Variants in CPNE7 observed in about 807,000 individuals in gnomAD.
CPNE7 encodes the protein copine 7.
A neutral mutation model predicts 66.5 loss-of-function variants in CPNE7; 78 were observed. The ratio of observed to expected loss-of-function variants is 1.17; its 90% CI spans 0.98 to 1.42. The LOEUF is 1.42. Ranked by LOEUF, CPNE7 falls within the 40% of genes most tolerant of loss-of-function variation. The pLI, the probability that CPNE7 is intolerant of heterozygous loss-of-function variation, is 0.00. For synonymous variants in CPNE7, 468 were observed against 336.7 expected (o/e 1.39, Z -4.27); for missense variants, 1,012 against 776.6 (o/e 1.30, Z -3.60).
In CPNE7 at chr16:89,586,703, C is replaced by G; in HGVS notation, c.814C>G (p.Gln272Glu). ...QWDCVNPKYKQKRRSYKNSGV... is the reference protein window; with the variant it reads ...QWDCVNPKYKEKRRSYKNSGV... ...GGACTGTGTGAACCCCAAATACAAGCAGAAGAGACGCAGTTATAAGAACTC... is the reference window on the plus strand; with the variant it reads ...GGACTGTGTGAACCCCAAATACAAGGAGAAGAGACGCAGTTATAAGAACTC... Residue 272 changes from glutamine to glutamate, a missense_variant, in exon 8 of 15, where the codon CAG becomes GAG. Transcript: ENST00000319518. 1.9e-6 allele frequency: 3 copies of G among 1,612,724 alleles called. No individual in the cohort carries two copies. Among genetic ancestry groups the G allele is most frequent in the Non-Finnish European group, 2.5e-6 (3 of 1,179,636 alleles).
At position 89,587,234 on chromosome 16, in the gene CPNE7, C is replaced by T. The variant is rs533074241; in HGVS notation, c.927+132C>T. On this transcript the variant is annotated intron_variant, in intron 9 of 14. Coordinates refer to ENST00000319518, the MANE Select transcript of CPNE7 (RefSeq NM_153636.3). The stretch of plus-strand genomic sequence containing the variant: ...CCCGCCCATCCCCGCCCCCTCAGTC[C>T]GTGGCCCCGCCCCTCCCGCCCCCTC... 4.8e-3 allele frequency: 1,242 copies of T among 256,312 alleles called. 42 individuals are homozygous for T. The highest frequency in any genetic ancestry group is 0.011 in the Middle Eastern group (10 of 908). 15.9% of individuals were successfully genotyped at this position (256,312 alleles called of 1,614,324 possible).
rs1162646133 is a variant in CPNE7, at chr16:89,580,354, C to T, written c.357+2633C>T. 8.2e-5 allele frequency among the ~76,000 whole-genome samples: 12 copies of T among 146,410 alleles called. 1 individual carries two copies. The highest frequency in any genetic ancestry group is 3.8e-3 in the Middle Eastern group (1 of 264). On this transcript the variant is annotated intron_variant, in intron 2 of 14. Transcript: ENST00000319518. ...CCGTCACACGGAACATCCCATCACC[C>T]GTCACACGGAACATCCCATCACCCG...
At chr16:89,589,235 T>A (rs2059133612) in intron 10 of CPNE7, among the ~76,000 whole-genome samples, 1 of 152,018 alleles carries the variant, frequency 6.6e-6, no homozygotes, top group African/African-American at 2.4e-5. Flanking sequence ...GAGGTTACAG[T>A]GAGTCAAGAT....
At chr16:89,588,646 C>T (rs199624856) in intron 9 of CPNE7, 29 bp from the exon 10 acceptor site, 23 of 1,612,154 alleles carry the variant, frequency 1.4e-5, no homozygotes, top group Admixed American at 5.0e-5. Flanking sequence ...CCCGGCCCAG[C>T]ACAGCTCCTG....
chr16:89,587,569 G>C (rs1292236770), intron 9 of CPNE7: 1 of 435,394 alleles, frequency 2.3e-6, no homozygotes, highest in Non-Finnish European at 4.7e-6. Flanking sequence ...AAACGTGAAC[G>C]AGGAGAAACT....
intron 1 of CPNE7, 62 bp from the exon 2 acceptor site, chr16:89,577,477 G>A: frequency 1.3e-6 from 2 of 1,506,582 alleles, no homozygotes; most frequent in Middle Eastern, 2.1e-4. Flanking sequence ...GAGGGGAGAT[G>A]GAGGTCTGGA....
At position 89,595,389 on chromosome 16, in the gene CPNE7, T is replaced by C; in HGVS notation, c.1325T>C (p.Leu442Pro). ...CAGCAATACTACATCCTGCTGATCC[T>C]GACGGACGGCGTGGTGACCGACATG... ...KASQYYILLI[L>P]TDGVVTDMAD... The change falls in exon 14 of 15, where the codon CTG becomes CCG. Residue 442 changes from leucine to proline, a missense_variant. Coordinates refer to ENST00000319518, the MANE Select transcript of CPNE7 (RefSeq NM_153636.3). The C allele has an allele frequency of 6.3e-7, 1 of 1,586,992 alleles. No homozygotes were observed. Among genetic ancestry groups the C allele is most frequent in the South Asian group, 1.1e-5 (1 of 87,566 alleles).
chr16:89,589,231 A>G lies in CPNE7; in HGVS notation c.1061+423A>G, dbSNP rs181597403. On this transcript the variant is annotated intron_variant, in intron 10 of 14. Transcript: ENST00000319518. ...CACTGGAACCCGGGAGGCGGAGGTT[A>G]CAGTGAGTCAAGATCACACCTTTGT... 3.9e-5 allele frequency among the ~76,000 whole-genome samples: 6 copies of G among 152,286 alleles called. No individual in the cohort carries two copies. In the East Asian group the frequency reaches 9.7e-4, roughly 25 times the overall value.
intron 13 of CPNE7, among the ~76,000 whole-genome samples, 200 bp from the exon 14 acceptor site, chr16:89,595,167 G>T (rs2059233953): frequency 6.6e-6 from 1 of 152,114 alleles, no homozygotes; most frequent in Non-Finnish European, 1.5e-5. Flanking sequence ...GGCACAGGAG[G>T]CCCAGAGTGC....
chr16:89,590,957 T>G, intron 11 of CPNE7, 50 bp from the exon 12 acceptor site: 3 of 1,594,654 alleles, frequency 1.9e-6, no homozygotes, highest in Non-Finnish European at 1.7e-6. Context: ...ATGGGGCCAG[T>G]GGGGTGTGTT....
chr16:89,583,847 G>C (rs993132802), intron 3 of CPNE7, 76 bp downstream of exon 3: 1 of 1,552,694 alleles, frequency 6.4e-7, no homozygotes, highest in Non-Finnish European at 8.8e-7. Context: ...GCGGAAGATG[G>C]GCAGCAGCGT....
rs751358984 is a variant in CPNE7 at position 89,591,003 on chromosome 16, C to T, written c.1117-4C>T. ...GCTGACTGAGCCCTCTTGTTCCCAC[C>T]CAGGTGTCCCATGACTTTGCCATCA... On this transcript the variant is annotated splice_polypyrimidine_tract_variant and splice_region_variant and intron_variant, in intron 11 of 14. Coordinates refer to ENST00000319518, the MANE Select transcript of CPNE7 (RefSeq NM_153636.3). The T allele has an allele frequency of 1.2e-6, 2 of 1,613,654 alleles. No individual in the cohort carries two copies. Among genetic ancestry groups the T allele is most frequent in the Non-Finnish European group, 1.7e-6 (2 of 1,179,856 alleles).
chr16:89,589,791 TG>T, intron 10 of CPNE7, 105 bp from the exon 11 acceptor site: 3 of 1,253,458 alleles, frequency 2.4e-6, no homozygotes, highest in Non-Finnish European at 2.3e-6. Context: ...GTACCAGGCC[TG>T]GGCACCCCCA....
At chr16:89,587,216 A>C (rs12926016) in intron 9 of CPNE7, 114 bp downstream of exon 9, 37,627 of 110,512 alleles carry the variant, frequency 0.34, 5,437 homozygotes, top group Middle Eastern at 0.43. Context: ...GGCCCCGCCC[A>C]TCCCCGCCCC....
chr16:89,588,638 C>T lies in CPNE7; in HGVS notation c.928-37C>T, dbSNP rs377526916. ...TGTCAGGAGCGGGTTCGGGGAGCCC[C>T]GGCCCAGCACAGCTCCTGGCTCCCG... On this transcript the variant is annotated intron_variant, in intron 9 of 14. Transcript: ENST00000319518. The T allele has an allele frequency of 7.5e-4, 1,213 of 1,611,004 alleles. 2 individuals carry two copies. The highest frequency in any genetic ancestry group is 9.3e-4 in the Admixed American group (56 of 59,944).
rs1020644274 is a variant in CPNE7 at position 89,588,543 on chromosome 16, C to T, written c.928-132C>T. On this transcript the variant is annotated intron_variant, in intron 9 of 14. Coordinates refer to ENST00000319518, the MANE Select transcript of CPNE7 (RefSeq NM_153636.3). ...CAGGTGGGTCAGCCCCAACAGCAGC[C>T]CCCCAGCCCTACCCACCTACGCGAC... 3.4e-5 allele frequency: 38 copies of T among 1,106,534 alleles called. No homozygotes were observed. The African/African-American group carries it at 5.1e-4, about 15-fold the overall frequency. 68.5% of individuals were successfully genotyped at this position (1,106,534 alleles called of 1,614,324 possible).
chr16:89,596,664 G>T lies in CPNE7; in HGVS notation c.*43G>T, dbSNP rs659974. 14 of 1,531,016 alleles carry T rather than the reference G, an allele frequency of 9.1e-6. No homozygotes were observed. The African/African-American group carries it at 1.8e-4, about 20-fold the overall frequency. 94.8% of individuals were successfully genotyped at this position (1,531,016 alleles called of 1,614,324 possible). A position where few individuals can be genotyped will look rare whatever the true frequency, so the allele number is the denominator to read the frequency against. ...GGTGGGGGCAGTGAGGAATGGGTCC[G>T]TACAGCCTCTGTCTGCAACATGCTT... is the stretch of plus-strand genomic sequence containing the variant. On this transcript the variant is annotated 3_prime_UTR_variant, in exon 15 of 15. Transcript: ENST00000319518.
At chr16:89,577,807 G>A in intron 2 of CPNE7, 86 bp downstream of exon 2, 1 of 1,427,340 alleles carries the variant, frequency 7.0e-7, no homozygotes, top group Non-Finnish European at 9.4e-7. Flanking sequence ...GCACCGCAGG[G>A]ACCCTGCTGG....
At chr16:89,590,130 C>T (rs913120748) in intron 11 of CPNE7, among the ~76,000 whole-genome samples, 179 bp downstream of exon 11, 1 of 152,174 alleles carries the variant, frequency 6.6e-6, no homozygotes, top group Non-Finnish European at 1.5e-5. Context: ...CTTTGGCCTC[C>T]TAGGACTTGT....
Sources: allele counts gnomAD v4.1 joint callset (sites outside exome capture counted in the v4.1 genomes callset), GRCh38; gene constraint gnomAD v4.1.1; transcripts MANE v1.5; gene names NCBI Gene and HGNC (gene_info 2026-07-23, HGNC 2026-07-21).